ERC2: variants seen among roughly 807,000 people sequenced by gnomAD.
ERC2 encodes ERC protein 2.
In ERC2, 42 loss-of-function variants were observed where a neutral mutation model predicts 114.8. The ratio of observed to expected loss-of-function variants is 0.37; its 90% CI spans 0.29 to 0.47. ERC2 has a LOEUF of 0.47. Among genes scored for constraint, ERC2 ranks in the 20% least tolerant of loss-of-function variants. The pLI is 0.99. For synonymous variants in ERC2, 454 were observed against 425.5 expected (o/e 1.07, Z -0.82); for missense variants, 939 against 1,150.7 (o/e 0.82, Z 2.66).
intron 13 of ERC2, among the ~76,000 whole-genome samples, chr3:55,902,671 T>C (rs956076603): frequency 6.6e-6 from 1 of 152,154 alleles, no homozygotes; most frequent in Non-Finnish European, 1.5e-5. Context: ...TCTCTTCCAG[T>C]CATCAGCGTG....
intron 14 of ERC2, among the ~76,000 whole-genome samples, chr3:55,865,172 TTTC>T (rs1309634442): frequency 3.3e-5 from 5 of 152,188 alleles, no homozygotes; most frequent in Non-Finnish European, 7.4e-5. Context: ...CTCTACCTAC[TTTC>T]AGCTCCTACA....
At position 55,797,962 on chromosome 3, in the gene ERC2, A is replaced by T. The variant is rs576623557; in HGVS notation, c.2565-63044T>A. Among the ~76,000 whole-genome samples, 11 of 152,356 alleles carry T rather than the reference A, an allele frequency of 7.2e-5. No individual in the cohort carries two copies. The East Asian group carries it at 2.1e-3, about 29-fold the overall frequency. On this transcript the variant is annotated intron_variant, in intron 14 of 17. Transcript: ENST00000288221. Reference sequence around the variant, plus strand: ...ATAAATGGGTTTAGCCACATAGTAGACACAGGTGAAGAGAGAATGAGTGAA... The same window carrying T: ...ATAAATGGGTTTAGCCACATAGTAGTCACAGGTGAAGAGAGAATGAGTGAA...
At chr3:56,151,213 TGC>T (rs1391035404) in intron 4 of ERC2, among the ~76,000 whole-genome samples, 2 of 152,236 alleles carry the variant, frequency 1.3e-5, no homozygotes, top group Middle Eastern at 3.4e-3. Context: ...ATTACCAGCC[TGC>T]GCCACCAAGT....
chr3:55,621,625 A>T (rs368348593), intron 17 of ERC2, among the ~76,000 whole-genome samples: 1 of 152,186 alleles, frequency 6.6e-6, no homozygotes, highest in African/African-American at 2.4e-5. Flanking sequence ...CAAAGTGTTA[A>T]CAGGTAACAG....
rs771579890 is a variant in ERC2, at chr3:56,081,031, A to G, written c.1474-47T>C. The stretch of plus-strand genomic sequence containing the variant: ...AAGGTTGTGGTTTTACAGAAAGGTC[A>G]TCAATAACCATCAATTGTGCCCTTT... On this transcript the variant is annotated intron_variant, in intron 6 of 17. Coordinates refer to ENST00000288221, the MANE Select transcript of ERC2 (RefSeq NM_015576.3). The G allele has an allele frequency of 5.0e-6, 8 of 1,587,912 alleles. 1 individual carries two copies. In the South Asian group the frequency reaches 7.9e-5, roughly 16 times the overall value.
intron 17 of ERC2, among the ~76,000 whole-genome samples, chr3:55,542,445 T>TTACA (rs2054461300): frequency 6.6e-6 from 1 of 152,182 alleles, no homozygotes; most frequent in East Asian, 1.9e-4. Flanking sequence ...GGCACCTGTA[T>TTACA]TACAGATTTC....
At chr3:56,137,125 T>C (rs1454478834) in intron 6 of ERC2, among the ~76,000 whole-genome samples, 1 of 152,166 alleles carries the variant, frequency 6.6e-6, no homozygotes, top group Non-Finnish European at 1.5e-5. Context: ...ACAAGGAATA[T>C]AGCCTCCATC....
chr3:55,834,467 C>T (rs1323696575), intron 14 of ERC2, among the ~76,000 whole-genome samples: 1 of 151,988 alleles, frequency 6.6e-6, no homozygotes, highest in African/African-American at 2.4e-5. Flanking sequence ...CACTCAAAAC[C>T]ACTCAACTAC....
intron 3 of ERC2, among the ~76,000 whole-genome samples, chr3:56,219,188 G>T (rs1166532849): frequency 1.3e-5 from 2 of 152,084 alleles, no homozygotes; most frequent in African/African-American, 2.4e-5. Context: ...CGTGTACACT[G>T]CTTGGGTGAT....
rs112067114 is a variant in ERC2 at position 56,195,500 on chromosome 3, C to CGTGTGTGTGT, written c.1075-21990_1075-21981dup. On this transcript the variant is annotated intron_variant, in intron 3 of 17. Coordinates refer to ENST00000288221, the MANE Select transcript of ERC2 (RefSeq NM_015576.3). ...GGATGTGTTTGTGTGTGCGTGTGTG[C>CGTGTGTGTGT]GTGTGTGTGTGTGTGTGTGTTCTCT... 7.5e-3 allele frequency among the ~76,000 whole-genome samples: 1,124 copies of CGTGTGTGTGT among 149,854 alleles called. 11 individuals carry two copies. The highest frequency in any genetic ancestry group is 0.052 in the East Asian group (265 of 5,074).
chr3:55,741,797 G>C (rs2065975871), intron 14 of ERC2, among the ~76,000 whole-genome samples: 1 of 152,134 alleles, frequency 6.6e-6, no homozygotes, highest in Non-Finnish European at 1.5e-5. Context: ...ATAATGTGAA[G>C]AGAAATAAAT....
At chr3:56,444,250 C>T (rs2062458623) in intron 1 of ERC2, among the ~76,000 whole-genome samples, 1 of 151,592 alleles carries the variant, frequency 6.6e-6, no homozygotes, top group South Asian at 2.1e-4. Context: ...GGATTACAGG[C>T]GTGAGCCACC....
intron 17 of ERC2, among the ~76,000 whole-genome samples, chr3:55,550,497 T>C (rs756980014): frequency 2.0e-5 from 3 of 152,204 alleles, no homozygotes; most frequent in Non-Finnish European, 4.4e-5. Flanking sequence ...AGGTAACATC[T>C]ACCTCATGTA....
intron 14 of ERC2, among the ~76,000 whole-genome samples, chr3:55,760,847 G>A (rs979773681): frequency 2.6e-5 from 4 of 152,184 alleles, no homozygotes; most frequent in African/African-American, 9.7e-5. Flanking sequence ...TACGGCAAAT[G>A]TTAGTGGGTC....
rs1165009258 is a variant in ERC2 at position 55,926,393 on chromosome 3, C to T, written c.2403+24032G>A. Among the ~76,000 whole-genome samples the T allele has an allele frequency of 1.2e-4, 15 of 125,310 alleles. No homozygotes were observed. In the Admixed American group the frequency reaches 1.4e-3, roughly 12 times the overall value. 82.2% of individuals were successfully genotyped at this position (125,310 alleles called of 152,430 possible). ...CATTCCACCTGCTGCCCTAACAGAG[C>T]TTGTTTTTTGTTTTTTGTTTTTAAA... is the stretch of plus-strand genomic sequence containing the variant. On this transcript the variant is annotated intron_variant, in intron 13 of 17. Coordinates refer to ENST00000288221, the MANE Select transcript of ERC2 (RefSeq NM_015576.3).
chr3:56,285,105 CCCTACCT>C (rs1175827832), intron 3 of ERC2, among the ~76,000 whole-genome samples: 15 of 144,792 alleles, frequency 1.0e-4, no homozygotes, highest in African/African-American at 3.8e-4. Flanking sequence ...TCCCCCCCAT[CCCTACCT>C]CCCCCCAGCA....
chr3:56,194,488 GAAAAATGGT>G (rs1464846306), intron 3 of ERC2, among the ~76,000 whole-genome samples: 1 of 152,040 alleles, frequency 6.6e-6, no homozygotes, highest in Non-Finnish European at 1.5e-5. Flanking sequence ...CATAAAAGAT[GAAAAATGGT>G]CTACCTATAC....
intron 6 of ERC2, among the ~76,000 whole-genome samples, chr3:56,107,977 A>C (rs2078760420): frequency 6.6e-6 from 1 of 152,238 alleles, no homozygotes; most frequent in Admixed American, 6.5e-5. Context: ...ACATATATAA[A>C]ATCCTCCTTA....
At chr3:56,392,618 C>A (rs533789430) in intron 2 of ERC2, among the ~76,000 whole-genome samples, 62 of 152,234 alleles carry the variant, frequency 4.1e-4, no homozygotes, top group African/African-American at 1.5e-3. Context: ...TCTTCCAGGG[C>A]AAATTCTCAG....
Sources: allele counts gnomAD v4.1 joint callset (sites outside exome capture counted in the v4.1 genomes callset), GRCh38; gene constraint gnomAD v4.1.1; transcripts MANE v1.5; gene names NCBI Gene and HGNC (gene_info 2026-07-23, HGNC 2026-07-21).